Variants in EIF3H observed in about 807,000 individuals in gnomAD.
EIF3H encodes the protein eukaryotic translation initiation factor 3 subunit H, also known as eIF-3-gamma.
A neutral mutation model predicts 44.2 loss-of-function variants in EIF3H; 26 were observed. The ratio of observed to expected loss-of-function variants is 0.59; its 90% confidence interval spans 0.43 to 0.82. The LOEUF (loss-of-function observed/expected upper bound fraction) is 0.82. Ranked by LOEUF, EIF3H falls within the 40% of genes least tolerant of loss-of-function variation. The pLI is 0.00. For synonymous variants in EIF3H, 166 were observed against 151.9 expected, an observed-to-expected ratio of 1.09 and a Z score of -0.68; for missense variants, 359 against 432.8, an observed-to-expected ratio of 0.83 and a Z score of 1.51.
intron 2 of EIF3H, among the ~76,000 whole-genome samples, chr8:116,666,753 C>CAAGAA (rs1813674461): frequency 1.4e-5 from 1 of 71,432 alleles, no homozygotes; most frequent in South Asian, 5.7e-4. Context: ...TAGTGTTAGG[C>CAAGAA]AAAAAAAAAA....
chr8:116,754,948 G>A (rs887023460), intron 1 of EIF3H, among the ~76,000 whole-genome samples: 3 of 152,026 alleles, frequency 2.0e-5, no homozygotes, highest in Admixed American at 6.6e-5. Flanking sequence ...TTAAAAAGAG[G>A]GCAGGAAGGA....
intron 2 of EIF3H, among the ~76,000 whole-genome samples, chr8:116,663,993 C>T (rs1259143191): frequency 1.3e-5 from 2 of 148,210 alleles, no homozygotes; most frequent in African/African-American, 5.0e-5. Context: ...ACTACTAATA[C>T]AAAAAGCCAC....
At chr8:116,673,985 G>A (rs1813801113) in intron 2 of EIF3H, among the ~76,000 whole-genome samples, 1 of 145,904 alleles carries the variant, frequency 6.9e-6, no homozygotes. Context: ...CAGGAGAATG[G>A]CGTGAACCTG....
intron 2 of EIF3H, among the ~76,000 whole-genome samples, chr8:116,660,572 ACAAC>A (rs1813569569): frequency 6.6e-6 from 1 of 152,246 alleles, no homozygotes; most frequent in Admixed American, 6.5e-5. Flanking sequence ...ACAAACAAAA[ACAAC>A]CAAAGTTATT....
At chr8:116,677,422 T>G (rs543981575) in intron 2 of EIF3H, among the ~76,000 whole-genome samples, 1 of 152,372 alleles carries the variant, frequency 6.6e-6, no homozygotes, top group Non-Finnish European at 1.5e-5. Flanking sequence ...GGGCATATGT[T>G]CTAATGTGGC....
Position 116,726,211 on chromosome 8 carries a change from C to T in EIF3H, c.133-39G>A, listed in dbSNP as rs756988917. On this transcript the variant is annotated intron_variant, in intron 1 of 7. Coordinates refer to ENST00000521861, the MANE Select transcript of EIF3H (RefSeq NM_003756.3). ...ACACAGAAGGGAGCTTAACAACCATCCTAGTTTATTATTTCCTTTATTTCT... is the reference window on the plus strand; with the variant it reads ...ACACAGAAGGGAGCTTAACAACCATTCTAGTTTATTATTTCCTTTATTTCT... The T allele has an allele frequency of 5.1e-6, 8 of 1,553,874 alleles. No individual in the cohort carries two copies. In the South Asian group the frequency reaches 6.2e-5, roughly 12 times the overall value.
intron 1 of EIF3H, among the ~76,000 whole-genome samples, chr8:116,738,579 T>C (rs560852827): frequency 6.6e-6 from 1 of 152,298 alleles, no homozygotes; most frequent in South Asian, 2.1e-4. Flanking sequence ...GCCTAACTTA[T>C]GCTTCAACAA....
At chr8:116,706,349 T>G (rs1025359576) in intron 2 of EIF3H, among the ~76,000 whole-genome samples, 8 of 152,186 alleles carry the variant, frequency 5.3e-5, no homozygotes, top group Admixed American at 1.3e-4. Context: ...TCAGGGCCTT[T>G]AGCACTTGGT....
intron 2 of EIF3H, among the ~76,000 whole-genome samples, chr8:116,664,635 G>GA (rs1476204607): frequency 2.6e-5 from 4 of 152,178 alleles, no homozygotes; most frequent in African/African-American, 9.6e-5. Context: ...GGGATGAGGA[G>GA]AAAGTAGAAA....
chr8:116,685,377 T>A (rs550931410), intron 2 of EIF3H, among the ~76,000 whole-genome samples: 1 of 152,322 alleles, frequency 6.6e-6, no homozygotes, highest in South Asian at 2.1e-4. Context: ...AGCCACAGAA[T>A]ACTTTCTTCT....
intron 3 of EIF3H, chr8:116,658,113 C>G (rs934332651): frequency 6.6e-6 from 1 of 152,192 alleles, no homozygotes; most frequent in African/African-American, 2.4e-5. Flanking sequence ...ACAACTTGTT[C>G]TTTACTGTAA....
rs1384593283 is a variant in EIF3H, at chr8:116,644,107, T to G, written c.*899A>C. The G allele has an allele frequency of 6.6e-6, 1 of 152,204 alleles. No individual in the cohort carries two copies. Among genetic ancestry groups the G allele is most frequent in the Admixed American group, 6.5e-5 (1 of 15,270 alleles). 9.4% of individuals were successfully genotyped at this position (152,204 alleles called of 1,614,324 possible). On this transcript the variant is annotated 3_prime_UTR_variant, in exon 8 of 8. Transcript: ENST00000521861. Reference sequence around the variant, plus strand: ...TCTTTTCTTTAAAATTTCTGTGGCCTGTCCAGGAGTGGTGGCTCATGCCTG... The same window carrying G: ...TCTTTTCTTTAAAATTTCTGTGGCCGGTCCAGGAGTGGTGGCTCATGCCTG...
At chr8:116,712,065 G>A (rs1814580272) in intron 2 of EIF3H, among the ~76,000 whole-genome samples, 1 of 152,218 alleles carries the variant, frequency 6.6e-6, no homozygotes, top group South Asian at 2.1e-4. Flanking sequence ...GGAATCTATA[G>A]TGACTTGAGA....
rs1220826900 is a variant in EIF3H at position 116,719,379 on chromosome 8, A to G, written c.289+6637T>C. On this transcript the variant is annotated intron_variant, in intron 2 of 7. Transcript: ENST00000521861. ...AAACTATGGCAAGGCTCTGGAAGAC[A>G]GAAAAAGTAAATGTTTATAGGGAAT... Among the ~76,000 whole-genome samples the G allele has an allele frequency of 4.6e-5, 7 of 152,248 alleles. No individual in the cohort carries two copies. The South Asian group carries it at 1.4e-3, about 31-fold the overall frequency.
rs1380773897 is a variant in EIF3H, at chr8:116,647,845, G to C, written c.828+961C>G. ...AGTCCTTCACCTACAGGAAAAACCA[G>C]CATGAAAATGAAATCCAGCTGAGAT... On this transcript the variant is annotated intron_variant, in intron 6 of 7. Transcript: ENST00000521861. Among the ~76,000 whole-genome samples, 3 of 151,872 alleles carry C rather than the reference G, an allele frequency of 2.0e-5. No individual in the cohort carries two copies. The East Asian group carries it at 5.8e-4, about 29-fold the overall frequency.
At chr8:116,704,896 T>A (rs1814440861) in intron 2 of EIF3H, among the ~76,000 whole-genome samples, 1 of 152,102 alleles carries the variant, frequency 6.6e-6, no homozygotes. Flanking sequence ...GCTCTCACGT[T>A]GACAGTGTAC....
At chr8:116,732,310 G>A (rs1179078795) in intron 1 of EIF3H, among the ~76,000 whole-genome samples, 1 of 151,664 alleles carries the variant, frequency 6.6e-6, no homozygotes, top group Non-Finnish European at 1.5e-5. Context: ...CTGTATTATA[G>A]GGTAAAATAT....
At chr8:116,723,513 G>C (rs1814787009) in intron 2 of EIF3H, among the ~76,000 whole-genome samples, 1 of 152,096 alleles carries the variant, frequency 6.6e-6, no homozygotes, top group Non-Finnish European at 1.5e-5. Flanking sequence ...AAGTAGCCCT[G>C]GTTAGTTTCT....
rs1198652111 is a variant in EIF3H, at chr8:116,755,676, A to G, written c.122T>C (p.Ile41Thr). 15 of 1,614,026 alleles carry G rather than the reference A, an allele frequency of 9.3e-6. No individual in the cohort carries two copies. In the Admixed American group the frequency reaches 2.3e-4, roughly 25 times the overall value. The change falls in exon 1 of 8, where the codon ATA (isoleucine) becomes ACA (threonine). Residue 41 changes from isoleucine to threonine, a missense_variant. Physicochemically the swap from Ile to Thr is moderately conservative, Grantham distance 89. Around this residue, in one of 5 missense-constraint regions of EIF3H, gnomAD observed 91 missense variants for 164.6 expected, o/e 0.55. Transcript: ENST00000521861. ...AAGAACAGCACTCACAAGGCCATCTATCTGCACTTGCTTCACGGCTGAATC... is the reference window on the plus strand; with the variant it reads ...AAGAACAGCACTCACAAGGCCATCTGTCTGCACTTGCTTCACGGCTGAATC... ...SGDSAVKQVQ[I>T]DGLVVLKIIK...
Sources: allele counts gnomAD v4.1 joint callset (sites outside exome capture counted in the v4.1 genomes callset), GRCh38; gene constraint gnomAD v4.1.1; regional missense constraint gnomAD v4.1.1; transcripts MANE v1.5; gene names NCBI Gene and HGNC (gene_info 2026-07-23, HGNC 2026-07-21).